The following MBNL1 variants were observed in gnomAD, a reference collection of about 807,000 sequenced individuals.
MBNL1 encodes the protein muscleblind like splicing regulator 1.
MBNL1 carries 8 observed loss-of-function variants against 42.2 expected under a neutral mutation model. The observed-to-expected ratio is 0.19, with a 90% CI of 0.11 to 0.34. MBNL1 has a LOEUF of 0.34. Ranked by LOEUF, MBNL1 falls within the 10% of genes least tolerant of loss-of-function variation. The pLI is 1.00. For missense variants in MBNL1, 309 were observed against 495.3 expected (o/e 0.62, Z 3.57); for synonymous variants, 169 against 173.9 (o/e 0.97, Z 0.22).
chr3:152,317,826 T>C (rs745618924), intron 2 of MBNL1, among the ~76,000 whole-genome samples: 4 of 152,252 alleles, frequency 2.6e-5, no homozygotes, highest in Non-Finnish European at 5.9e-5. Flanking sequence ...AAGGATACAT[T>C]GTAACCTAAG....
rs908922333 is a variant in MBNL1, at chr3:152,352,717, G to A, written c.174+52350G>A. Among the ~76,000 whole-genome samples the A allele has an allele frequency of 1.4e-4, 21 of 152,192 alleles. No homozygotes were observed. The South Asian group carries it at 1.7e-3, about 12-fold the overall frequency. The stretch of plus-strand genomic sequence containing the variant: ...TTCCTAAGCTGTGGGAAATGTCTCC[G>A]TTAGTAACCCACATCAGTTCCTGTT... On this transcript the variant is annotated intron_variant, in intron 2 of 9. Transcript: ENST00000324210.
rs568439104 is a variant in MBNL1, at chr3:152,291,643, A to G, written c.-789-7762A>G. ...GGTGATCTGTTTCTATTAATGGAGA[A>G]CTAGTGTAACCACTGCCTTCTCTCA... On this transcript the variant is annotated intron_variant, in intron 1 of 9. Transcript: ENST00000324210. Among the ~76,000 whole-genome samples the G allele has an allele frequency of 2.6e-5, 4 of 152,348 alleles. No homozygotes were observed. The East Asian group carries it at 7.7e-4, about 29-fold the overall frequency.
At chr3:152,340,691 C>A (rs2092938267) in intron 2 of MBNL1, 4 of 1,613,992 alleles carry the variant, frequency 2.5e-6, no homozygotes, top group Admixed American at 1.7e-5. Context: ...CTAGCAAGAT[C>A]CCAGATGTAA....
rs1263899686 is a variant in MBNL1, at chr3:152,464,720, G to A, written c.*2354G>A. 1.3e-5 allele frequency: 2 copies of A among 152,514 alleles called. No individual in the cohort carries two copies. The highest frequency in any genetic ancestry group is 2.4e-5 in the African/African-American group (1 of 41,428). The allele number at this position is 152,514 out of a possible 1,614,324, so 9.4% of individuals were successfully genotyped here. The stretch of plus-strand genomic sequence containing the variant: ...GATAATCCAAATACTCAAAGTTTAC[G>A]TAATGAAAATTATAGCGTGTGTGCA... On this transcript the variant is annotated 3_prime_UTR_variant, in exon 10 of 10. Coordinates refer to ENST00000324210, the MANE Select transcript of MBNL1 (RefSeq NM_021038.5).
chr3:152,366,130 A>G (rs2096350794), intron 2 of MBNL1, among the ~76,000 whole-genome samples: 1 of 152,202 alleles, frequency 6.6e-6, no homozygotes. Flanking sequence ...ATCAGAAAAA[A>G]AAGAGTAATT....
intron 2 of MBNL1, among the ~76,000 whole-genome samples, chr3:152,303,022 TAAA>T (rs10572799): frequency 6.8e-6 from 1 of 147,776 alleles, no homozygotes; most frequent in African/African-American, 2.5e-5. Flanking sequence ...TTTATTTCAT[TAAA>T]AAAAAAAAAA....
chr3:152,359,448 A>G (rs549631604), intron 2 of MBNL1, among the ~76,000 whole-genome samples: 1 of 152,182 alleles, frequency 6.6e-6, no homozygotes, highest in Admixed American at 6.5e-5. Context: ...ACCTGCTCTT[A>G]TGGGGGTGGG....
chr3:152,311,369 T>C (rs2066372305), intron 2 of MBNL1, among the ~76,000 whole-genome samples: 1 of 152,210 alleles, frequency 6.6e-6, no homozygotes, highest in Non-Finnish European at 1.5e-5. Context: ...ATTTATATTA[T>C]ATTGTTTCTA....
At chr3:152,454,454 C>G (rs2153939786) in intron 6 of MBNL1, among the ~76,000 whole-genome samples, 1 of 152,220 alleles carries the variant, frequency 6.6e-6, no homozygotes, top group South Asian at 2.1e-4. Flanking sequence ...AATATAAAAT[C>G]CTTGGATATT....
At chr3:152,264,908 TA>T (rs1414740537), upstream of MBNL1, 1 of 152,002 alleles carries the variant, frequency 6.6e-6, no homozygotes, top group Admixed American at 6.6e-5. Flanking sequence ...TATATTGTAT[TA>T]TATATCAAAT....
intron 2 of MBNL1, chr3:152,302,103 A>C (rs1364984476): frequency 6.6e-6 from 1 of 152,312 alleles, no homozygotes; most frequent in Non-Finnish European, 1.5e-5. Flanking sequence ...GCCACAGAAC[A>C]GTCCCTTTTT....
chr3:152,300,870 T>G, intron 2 of MBNL1: 1 of 903,012 alleles, frequency 1.1e-6, no homozygotes, highest in Non-Finnish European at 1.3e-6. Context: ...TTGTGGGCAT[T>G]TTATTTTCAG....
intron 2 of MBNL1, among the ~76,000 whole-genome samples, chr3:152,351,843 A>G (rs2095036937): frequency 6.6e-6 from 1 of 152,230 alleles, no homozygotes; most frequent in Admixed American, 6.5e-5. Flanking sequence ...CACATGATAA[A>G]GCCTTATTAA....
chr3:152,444,532 A>G (rs536339135), intron 4 of MBNL1, among the ~76,000 whole-genome samples: 1 of 152,334 alleles, frequency 6.6e-6, no homozygotes, highest in Admixed American at 6.5e-5. Context: ...TATTTACACG[A>G]AAGTTGCAAA....
chr3:152,258,418 A>G (rs575732957), intron 2 of MBNL1, among the ~76,000 whole-genome samples: 1 of 152,352 alleles, frequency 6.6e-6, no homozygotes, highest in South Asian at 2.1e-4. Flanking sequence ...TATGTCTAAT[A>G]GCCAAGGCCA....
chr3:152,456,926 A>G (rs1009219375), intron 8 of MBNL1, among the ~76,000 whole-genome samples: 1 of 152,158 alleles, frequency 6.6e-6, no homozygotes, highest in African/African-American at 2.4e-5. Context: ...GCTTTCAGTG[A>G]AAGAAAAATC....
chr3:152,370,181 G>A (rs2096597054), intron 2 of MBNL1, among the ~76,000 whole-genome samples: 1 of 152,100 alleles, frequency 6.6e-6, no homozygotes, highest in Non-Finnish European at 1.5e-5. Flanking sequence ...CTTTAGCTGT[G>A]TCCTAGAGAT....
chr3:152,273,516 C>A (rs1204319603), intron 1 of MBNL1, among the ~76,000 whole-genome samples: 1 of 152,048 alleles, frequency 6.6e-6, no homozygotes. Flanking sequence ...ATATGTGTAA[C>A]ACACATCTTG....
intron 1 of MBNL1, among the ~76,000 whole-genome samples, chr3:152,269,959 A>G (rs2040036203): frequency 7.7e-6 from 1 of 129,106 alleles, no homozygotes; most frequent in African/African-American, 3.0e-5. Context: ...TGTTATTGGT[A>G]GTAATGTGTC....
Sources: gnomAD v4.1 joint callset for allele counts (sites outside exome capture counted in the v4.1 genomes callset) on GRCh38, gnomAD v4.1.1 for gene constraint, MANE v1.5 for transcripts, NCBI Gene and HGNC (gene_info 2026-07-23, HGNC 2026-07-21) for gene names.